TRIM32: variants seen among roughly 807,000 people sequenced by gnomAD.
The protein encoded by TRIM32 is tripartite motif containing 32.
A neutral mutation model predicts 36.0 loss-of-function variants in TRIM32; 19 were observed. That is an observed-to-expected ratio of 0.53 (90% CI 0.37 to 0.77). The LOEUF is 0.77. Among genes scored for constraint, TRIM32 ranks in the 30% least tolerant of loss-of-function variants. The probability of loss-of-function intolerance (pLI) is 0.00; values close to 1 mark genes in which losing one functional copy is unlikely to be tolerated. For missense variants in TRIM32, 747 were observed against 845.2 expected, an observed-to-expected ratio of 0.88 and a Z score of 1.44; for synonymous variants, 309 against 318.5, an observed-to-expected ratio of 0.97 and a Z score of 0.32.
At position 116,699,088 on chromosome 9, in the gene TRIM32, A is replaced by ATAAC; in HGVS notation, c.1348_1351dup (p.Ser451Ter). 6.2e-7 allele frequency: 1 copy of ATAAC among 1,614,082 alleles called. No individual in the cohort carries two copies. Among genetic ancestry groups the ATAAC allele is most frequent in the African/African-American group, 1.3e-5 (1 of 75,066 alleles). On this transcript the variant is annotated frameshift_variant, in exon 2 of 2. Coordinates refer to ENST00000450136, the MANE Select transcript of TRIM32 (RefSeq NM_012210.4). LOFTEE classifies it high-confidence loss of function. The surrounding 1 kb of genome is among the most constrained non-coding windows in gnomAD (Gnocchi z 4.2). ...CTGATTGGTGTGACTGACAGCTATGATAACTCCCTCAAGGTATATACCTTG... is the reference window on the plus strand; with the variant it reads ...CTGATTGGTGTGACTGACAGCTATGATAACTAACTCCCTCAAGGTATATACCTTG...
chr9:116,701,028 C>T lies in TRIM32; in HGVS notation c.*1324C>T, dbSNP rs893399131. 3.0e-5 allele frequency: 5 copies of T among 167,036 alleles called. No individual in the cohort carries two copies. The highest frequency in any genetic ancestry group is 7.3e-5 in the Non-Finnish European group (5 of 68,104). 10.3% of individuals were successfully genotyped at this position (167,036 alleles called of 1,614,324 possible). A position where few individuals can be genotyped will look rare whatever the true frequency, so the allele number is the denominator to read the frequency against. ...GTTTTATGTTTATAATTACAGTTCA[C>T]AAAAAGGAAGTTAGTCTTGTTTTTA... On this transcript the variant is annotated 3_prime_UTR_variant, in exon 2 of 2. Coordinates refer to ENST00000450136, the MANE Select transcript of TRIM32 (RefSeq NM_012210.4).
At position 116,699,459 on chromosome 9, in the gene TRIM32, G is replaced by T; in HGVS notation, c.1717G>T (p.Glu573Ter). 6.2e-7 allele frequency: 1 copy of T among 1,614,242 alleles called. No individual in the cohort carries two copies. Among genetic ancestry groups the T allele is most frequent in the Non-Finnish European group, 8.5e-7 (1 of 1,180,044 alleles). Residue 573 changes from glutamate to a stop codon, truncating the protein, a stop_gained, in exon 2 of 2, where the codon GAG becomes TAG. Transcript: ENST00000450136. LOFTEE classifies it high-confidence loss of function. The surrounding 1 kb of genome is among the most constrained non-coding windows in gnomAD (Gnocchi z 4.2). Reference protein sequence around the residue: ...RQISHFFSENEDFRCIAGMCV... With the variant: ...RQISHFFSEN ...GATTAGCCACTTCTTCTCGGAGAAT[G>T]AGGATTTCCGCTGCATTGCTGGCAT...
chr9:116,687,525 G>C (rs1312268285), intron 1 of TRIM32, 144 bp downstream of exon 1: 4 of 130,118 alleles, frequency 3.1e-5, no homozygotes, highest in African/African-American at 1.1e-4. Context: ...GGGGGGGGCA[G>C]GACTAGGGTG....
chr9:116,693,306 A>G (rs987020783), intron 1 of TRIM32, among the ~76,000 whole-genome samples: 10 of 152,252 alleles, frequency 6.6e-5, no homozygotes, highest in Non-Finnish European at 1.5e-4. Context: ...TGACAGTGCT[A>G]AGATATGATC....
In TRIM32 at chr9:116,699,520, A is replaced by T. The variant is rs566141939; in HGVS notation, c.1778A>T (p.Asp593Val). ...VDARGDLIVA[D>V]SSRKEILHFP... ...GCTCGTGGTGATCTCATCGTGGCTGACAGTAGTCGCAAGGAAATTCTCCAT... is the reference window on the plus strand; with the variant it reads ...GCTCGTGGTGATCTCATCGTGGCTGTCAGTAGTCGCAAGGAAATTCTCCAT... The change falls in exon 2 of 2, where the codon GAC (aspartate) becomes GTC (valine). Residue 593 changes from aspartate (D) to valine (V), a missense_variant. By Grantham distance (152) the Asp-to-Val change is radical (BLOSUM62 -3). Transcript: ENST00000450136. The surrounding 1 kb of genome is among the most constrained non-coding windows in gnomAD (Gnocchi z 4.2). 1 of 1,614,166 alleles carries T rather than the reference A, an allele frequency of 6.2e-7. No individual in the cohort carries two copies. The highest frequency in any genetic ancestry group is 8.5e-7 in the Non-Finnish European group (1 of 1,180,028).
chr9:116,693,135 G>T (rs1419302444), intron 1 of TRIM32, among the ~76,000 whole-genome samples: 1 of 152,118 alleles, frequency 6.6e-6, no homozygotes, highest in Non-Finnish European at 1.5e-5. Context: ...TGTTAATGCT[G>T]TTTCTGGTTA....
chr9:116,690,015 A>T (rs1860487137), intron 1 of TRIM32, among the ~76,000 whole-genome samples: 1 of 152,194 alleles, frequency 6.6e-6, no homozygotes, highest in Non-Finnish European at 1.5e-5. Context: ...GACTAGCTAC[A>T]GGGTTGCTGA....
At chr9:116,690,469 G>A (rs1250521021) in intron 1 of TRIM32, among the ~76,000 whole-genome samples, 1 of 152,198 alleles carries the variant, frequency 6.6e-6, no homozygotes, top group Non-Finnish European at 1.5e-5. Flanking sequence ...CTGGAGAATA[G>A]TTGGAAGCCA....
rs1416111661 is a variant in TRIM32, at chr9:116,697,910, C to CA, written c.170dup (p.Asn57LysfsTer31). The CA allele has an allele frequency of 6.2e-7, 1 of 1,614,240 alleles. No individual in the cohort carries two copies. Among genetic ancestry groups the CA allele is most frequent in the East Asian group, 2.2e-5 (1 of 44,874 alleles). On this transcript the variant is annotated frameshift_variant, in exon 2 of 2. Coordinates refer to ENST00000450136, the MANE Select transcript of TRIM32 (RefSeq NM_012210.4). LOFTEE classifies it high-confidence loss of function. ...TGGAGAAGCTATTGGCCAGTAGCAT[C>CA]AATGGTGTCCGCTGTCCCTTTTGCA...
In TRIM32 at chr9:116,699,215, A is replaced by G; in HGVS notation, c.1473A>G (p.Gly491=). The part of the protein sequence containing the change: ...GQFVVTDVEG[G]KLWCFTVDRG... ...TTGTAGTAACCGATGTGGAAGGTGG[A>G]AAGCTTTGGTGTTTCACAGTTGATC... Residue 491 remains glycine, a synonymous_variant, in exon 2 of 2, where the codon GGA becomes GGG. Transcript: ENST00000450136. The surrounding 1 kb of genome is among the most constrained non-coding windows in gnomAD (Gnocchi z 4.2). 6.2e-7 allele frequency: 1 copy of G among 1,614,222 alleles called. No individual in the cohort carries two copies. Among genetic ancestry groups the G allele is most frequent in the Non-Finnish European group, 8.5e-7 (1 of 1,180,046 alleles).
At position 116,698,896 on chromosome 9, in the gene TRIM32, T is replaced by G; in HGVS notation, c.1154T>G (p.Val385Gly). 1 of 1,614,214 alleles carries G rather than the reference T, an allele frequency of 6.2e-7. No homozygotes were observed. The highest frequency in any genetic ancestry group is 8.5e-7 in the Non-Finnish European group (1 of 1,180,046). The stretch of plus-strand genomic sequence containing the variant: ...CTCTACGTGACCAGTCAAGGTGAAG[T>G]ACTAGTCGCTGACCGTGGTAACTAT... ...VSLYVTSQGE[V>G]LVADRGNYRI... The change falls in exon 2 of 2, where the codon GTA becomes GGA. Residue 385 changes from valine to glycine, a missense_variant. By Grantham distance (109) the Val-to-Gly change is moderately radical. Transcript: ENST00000450136. The surrounding 1 kb of genome is among the most constrained non-coding windows in gnomAD (Gnocchi z 4.4).
At chr9:116,690,107 T>A (rs888710974) in intron 1 of TRIM32, among the ~76,000 whole-genome samples, 2 of 152,184 alleles carry the variant, frequency 1.3e-5, no homozygotes, top group Non-Finnish European at 2.9e-5. Context: ...AAAGAAAATA[T>A]GTCATGGGAA....
intron 1 of TRIM32, among the ~76,000 whole-genome samples, chr9:116,690,904 A>G (rs16933828): frequency 0.086 from 13,123 of 152,166 alleles, 1,886 homozygotes; most frequent in African/African-American, 0.3. Flanking sequence ...GTGCTGGAAG[A>G]GAACTAAGTG....
intron 1 of TRIM32, among the ~76,000 whole-genome samples, chr9:116,687,986 G>T (rs1860358838): frequency 6.6e-6 from 1 of 152,014 alleles, no homozygotes; most frequent in African/African-American, 2.4e-5. Context: ...AGGTGTGAAG[G>T]CAGCACATGA....
At chr9:116,692,863 T>G (rs1860642460) in intron 1 of TRIM32, among the ~76,000 whole-genome samples, 1 of 152,140 alleles carries the variant, frequency 6.6e-6, no homozygotes, top group African/African-American at 2.4e-5. Context: ...GTAAGGAGAT[T>G]GCTACGAATT....
At chr9:116,690,708 G>GCT (rs1474649147) in intron 1 of TRIM32, among the ~76,000 whole-genome samples, 17 of 152,128 alleles carry the variant, frequency 1.1e-4, no homozygotes, top group African/African-American at 4.1e-4. Context: ...TTGAATCCTT[G>GCT]CTCTATTACT....
In TRIM32 at chr9:116,697,825, C is replaced by T; in HGVS notation, c.83C>T (p.Thr28Ile). 1.2e-6 allele frequency: 2 copies of T among 1,614,216 alleles called. No individual in the cohort carries two copies. Among genetic ancestry groups the T allele is most frequent in the Non-Finnish European group, 1.7e-6 (2 of 1,180,036 alleles). The change falls in exon 2 of 2, where the codon ACA (threonine) becomes ATA (isoleucine). Residue 28 changes from threonine (T) to isoleucine (I), a missense_variant. By Grantham distance (89) the Thr-to-Ile change is moderately conservative. Transcript: ENST00000450136. ...TGCCCCATCTGCATGGAGTCCTTCA[C>T]AGAAGAGCAGCTGCGTCCCAAGCTT... ...LECPICMESF[T>I]EEQLRPKLLH...
In TRIM32 at chr9:116,698,367, T is replaced by C. The variant is rs370534929; in HGVS notation, c.625T>C (p.Ser209Pro). ...LARSRKFFTG[S>P]LAEVEKSNSQ... ...TCGCTCTCGGAAGTTCTTCACAGGC[T>C]CTTTGGCTGAAGTTGAGAAGTCCAA... The change falls in exon 2 of 2, where the codon TCT becomes CCT. Residue 209 changes from serine to proline, a missense_variant. By Grantham distance (74) the Ser-to-Pro change is moderately conservative. Transcript: ENST00000450136. This position sits in a 1 kb window ranked among gnomAD's most constrained non-coding sequence, Gnocchi z 4.4. 1.2e-6 allele frequency: 2 copies of C among 1,613,992 alleles called. No individual in the cohort carries two copies. The highest frequency in any genetic ancestry group is 2.7e-5 in the African/African-American group (2 of 74,918).
At chr9:116,689,768 G>C (rs763424304) in intron 1 of TRIM32, among the ~76,000 whole-genome samples, 6 of 152,084 alleles carry the variant, frequency 3.9e-5, no homozygotes, top group Admixed American at 6.6e-5. Context: ...CTTTGTTCTT[G>C]GTTTGCCCTT....
Sources: allele counts gnomAD v4.1 joint callset (sites outside exome capture counted in the v4.1 genomes callset), GRCh38; gene constraint gnomAD v4.1.1; non-coding constraint Gnocchi (gnomAD v3.1); transcripts MANE v1.5; gene names NCBI Gene and HGNC (gene_info 2026-07-23, HGNC 2026-07-21).